The following SERPINB7 variants were observed in gnomAD, a reference collection of about 807,000 sequenced individuals.
The protein encoded by SERPINB7 is serpin family B member 7.
A neutral mutation model predicts 37.4 loss-of-function variants in SERPINB7; 31 were observed. The ratio of observed to expected loss-of-function variants is 0.83; its 90% CI spans 0.62 to 1.12. The LOEUF (loss-of-function observed/expected upper bound fraction) is 1.12, where lower values mean the gene tolerates loss of function less well. SERPINB7 is among the 50% of genes most tolerant of loss of function. The pLI, the probability that SERPINB7 is intolerant of heterozygous loss-of-function variation, is 0.00. For missense variants in SERPINB7, 521 were observed against 455.3 expected (o/e 1.14, Z -1.31); for synonymous variants, 163 against 166.1 (o/e 0.98, Z 0.14).
intron 5 of SERPINB7, among the ~76,000 whole-genome samples, chr18:63,797,039 G>A (rs1260523299): frequency 1.3e-5 from 2 of 152,086 alleles, no homozygotes; most frequent in Non-Finnish European, 2.9e-5. Context: ...CTCTTTATTG[G>A]TAAGTCTCTG....
intron 2 of SERPINB7, among the ~76,000 whole-genome samples, chr18:63,787,828 A>G (rs2049388053): frequency 6.6e-6 from 1 of 152,222 alleles, no homozygotes; most frequent in Non-Finnish European, 1.5e-5. Context: ...AGTCCACATA[A>G]TGACATTTTG....
chr18:63,764,575 C>T (rs570120643), intron 1 of SERPINB7, among the ~76,000 whole-genome samples: 6 of 152,080 alleles, frequency 3.9e-5, no homozygotes, highest in Non-Finnish European at 8.8e-5. Context: ...TTAATAATTC[C>T]ACTATACTCT....
chr18:63,762,662 G>A (rs963872311), intron 1 of SERPINB7, among the ~76,000 whole-genome samples: 2 of 152,178 alleles, frequency 1.3e-5, no homozygotes, highest in Non-Finnish European at 2.9e-5. Context: ...AAACTAACAA[G>A]AGTTAGAAGG....
intron 1 of SERPINB7, among the ~76,000 whole-genome samples, chr18:63,782,105 G>T (rs1246704030): frequency 6.6e-6 from 1 of 152,020 alleles, no homozygotes; most frequent in Non-Finnish European, 1.5e-5. Context: ...CTGCTTGGGG[G>T]TTGGAAACAG....
chr18:63,782,631 C>T lies in SERPINB7; in HGVS notation c.168+91C>T, dbSNP rs2049312877. 4 of 1,246,150 alleles carry T rather than the reference C, an allele frequency of 3.2e-6. No homozygotes were observed. In the Admixed American group the frequency reaches 6.2e-5, roughly 19 times the overall value. 77.2% of individuals were successfully genotyped at this position (1,246,150 alleles called of 1,614,324 possible). On this transcript the variant is annotated intron_variant, in intron 2 of 7. Transcript: ENST00000398019. ...CAATGGTCCCCATGTTAATGGAGGT[C>T]ATCATGAGGCACAAGGTGTCACATC...
intron 4 of SERPINB7, among the ~76,000 whole-genome samples, chr18:63,794,695 A>G (rs1320236776): frequency 6.8e-6 from 1 of 147,654 alleles, no homozygotes; most frequent in African/African-American, 2.5e-5. Flanking sequence ...GTCTCAAAAA[A>G]CAAAAAACAA....
chr18:63,804,470 C>A lies in SERPINB7; in HGVS notation c.978C>A (p.Tyr326Ter). ...LYISRMMHKSYIEVTEEGTEA... is the reference protein window; with the variant it reads ...LYISRMMHKS ...TATCAAGGATGATGCACAAATCTTA[C>A]ATAGAGGTCACTGAGGAGGGCACCG... The change falls in exon 8 of 8, where the codon TAC (tyrosine) becomes TAA (stop). Residue 326 changes from tyrosine (Y) to a stop codon, truncating the protein, a stop_gained. Transcript: ENST00000398019. LOFTEE classifies it high-confidence loss of function. 6.2e-7 allele frequency: 1 copy of A among 1,613,744 alleles called. No homozygotes were observed. Among genetic ancestry groups the A allele is most frequent in the Non-Finnish European group, 8.5e-7 (1 of 1,179,854 alleles).
In SERPINB7 at chr18:63,754,593, G is replaced by A. The variant is rs568003977; in HGVS notation, c.-19+1473G>A. On this transcript the variant is annotated intron_variant, in intron 1 of 7. Transcript: ENST00000336429. Reference sequence around the variant, plus strand: ...GTCCCGAGAGAGACTCAGGTTAGGAGGGTGGGCAGGACACGCAGGTATCAG... The same window carrying A: ...GTCCCGAGAGAGACTCAGGTTAGGAAGGTGGGCAGGACACGCAGGTATCAG... Among the ~76,000 whole-genome samples the A allele has an allele frequency of 2.0e-5, 3 of 152,236 alleles. No individual in the cohort carries two copies. In the East Asian group the frequency reaches 5.8e-4, roughly 29 times the overall value.
chr18:63,799,602 A>G (rs925973974), intron 6 of SERPINB7, among the ~76,000 whole-genome samples: 4 of 152,186 alleles, frequency 2.6e-5, no homozygotes, highest in African/African-American at 9.7e-5. Context: ...AATTGGTGAC[A>G]TAATCTCTCC....
chr18:63,770,954 G>T (rs1399105380), upstream of SERPINB7, among the ~76,000 whole-genome samples: 2 of 142,512 alleles, frequency 1.4e-5, no homozygotes, highest in Non-Finnish European at 1.5e-5. Flanking sequence ...ATCTTCGTTG[G>T]AACAAAGGGG....
intron 4 of SERPINB7, among the ~76,000 whole-genome samples, chr18:63,793,512 T>A: frequency 6.6e-6 from 1 of 152,150 alleles, no homozygotes; most frequent in East Asian, 1.9e-4. Context: ...GAAGAGAACG[T>A]GTCTATTGGT....
rs143561199 is a variant in SERPINB7 at position 63,786,210 on chromosome 18, G to GTATATATA, written c.168+3687_168+3694dup. 2.6e-3 allele frequency among the ~76,000 whole-genome samples: 165 copies of GTATATATA among 64,314 alleles called. 2 individuals are homozygous for GTATATATA. The highest frequency in any genetic ancestry group is 8.4e-3 in the African/African-American group (156 of 18,596). The allele number at this position is 64,314 out of a possible 152,430, so 42.2% of individuals were successfully genotyped here. ...ACACACACCAGCATGGCACATACGT[G>GTATATATA]TATATATATATATATATATATATAC... On this transcript the variant is annotated intron_variant, in intron 2 of 7. Coordinates refer to ENST00000398019, the MANE Select transcript of SERPINB7 (RefSeq NM_003784.4).
At chr18:63,764,072 G>A (rs1244295159) in intron 1 of SERPINB7, among the ~76,000 whole-genome samples, 1 of 152,198 alleles carries the variant, frequency 6.6e-6, no homozygotes, top group South Asian at 2.1e-4. Context: ...TAAATTAGAG[G>A]CAGGCCCTAG....
intron 5 of SERPINB7, among the ~76,000 whole-genome samples, chr18:63,798,152 C>A (rs935486576): frequency 6.6e-6 from 1 of 152,106 alleles, no homozygotes; most frequent in Non-Finnish European, 1.5e-5. Context: ...TGCATAGCAT[C>A]CAGCAAAAAT....
intron 6 of SERPINB7, among the ~76,000 whole-genome samples, chr18:63,800,358 G>A (rs2049534362): frequency 6.6e-6 from 1 of 151,906 alleles, no homozygotes; most frequent in African/African-American, 2.4e-5. Context: ...CACAGCGCCT[G>A]GTCTTAAATC....
At chr18:63,766,515 A>T (rs958793391) in intron 1 of SERPINB7, among the ~76,000 whole-genome samples, 1 of 152,010 alleles carries the variant, frequency 6.6e-6, no homozygotes, top group Non-Finnish European at 1.5e-5. Context: ...GTGGCATAGC[A>T]CTTCCTGAAC....
intron 4 of SERPINB7, 23 bp downstream of exon 4, chr18:63,793,300 G>T: frequency 1.7e-6 from 2 of 1,205,672 alleles, no homozygotes; most frequent in Admixed American, 3.6e-5. Flanking sequence ...GCCTTTGTTA[G>T]AAGGACCTGA....
chr18:63,804,683 C>T lies in SERPINB7; in HGVS notation c.*48C>T, dbSNP rs766517821. On this transcript the variant is annotated 3_prime_UTR_variant, in exon 8 of 8. Transcript: ENST00000398019. ...AGCAGTCCCCACAACATCAAAGAAC[C>T]ACCACAAGTCAATAGATTTGAGTTT... 10 of 1,494,382 alleles carry T rather than the reference C, an allele frequency of 6.7e-6. No individual in the cohort carries two copies. The South Asian group carries it at 7.9e-5, about 12-fold the overall frequency. 92.6% of individuals were successfully genotyped at this position (1,494,382 alleles called of 1,614,324 possible).
intron 1 of SERPINB7, among the ~76,000 whole-genome samples, chr18:63,758,383 T>G (rs373289412): frequency 6.6e-6 from 1 of 152,174 alleles, no homozygotes; most frequent in Non-Finnish European, 1.5e-5. Flanking sequence ...AGTGACTGAA[T>G]TTTTTACTGT....
Sources: allele counts gnomAD v4.1 joint callset (sites outside exome capture counted in the v4.1 genomes callset), GRCh38; gene constraint gnomAD v4.1.1; transcripts MANE v1.5; gene names NCBI Gene and HGNC (gene_info 2026-07-23, HGNC 2026-07-21).